XKR9: variants seen among roughly 807,000 people sequenced by gnomAD.
XKR9 encodes XK related 9.
In XKR9, 32 loss-of-function variants were observed where a neutral mutation model predicts 32.0. The observed-to-expected ratio is 1.00, with a 90% CI of 0.76 to 1.34. XKR9 has a LOEUF of 1.34. Ranked by LOEUF, XKR9 falls within the 40% of genes most tolerant of loss-of-function variation. XKR9 has a pLI of 0.00. For missense variants in XKR9, 546 were observed against 429.7 expected, an observed-to-expected ratio of 1.27 and a Z score of -2.39; for synonymous variants, 168 against 143.4, an observed-to-expected ratio of 1.17 and a Z score of -1.22.
Position 70,785,996 on chromosome 8 carries a change from A to G in XKR9, n.353-3343A>G, listed in dbSNP as rs530183332. ...GAGCCACCATACCTGGACTTCCAAG[A>G]TAGTTTTAAATTTCCCTTTTAATTT... On this transcript the variant is annotated intron_variant and non_coding_transcript_variant, in intron 2 of 3. Transcript: ENST00000520273. Among the ~76,000 whole-genome samples the G allele has an allele frequency of 1.7e-3, 258 of 151,932 alleles. 2 individuals carry two copies. The highest frequency in any genetic ancestry group is 3.0e-3 in the Non-Finnish European group (206 of 67,940).
the XKR9 span, among the ~76,000 whole-genome samples, chr8:70,976,110 T>C: frequency 2.0e-5 from 3 of 152,254 alleles, no homozygotes; most frequent in Non-Finnish European, 2.9e-5. Context: ...GAGACTTTGC[T>C]GAAGTTGCTT....
At chr8:70,806,563 AG>A in the XKR9 span, among the ~76,000 whole-genome samples, 1 of 152,220 alleles carries the variant, frequency 6.6e-6, no homozygotes, top group Non-Finnish European at 1.5e-5. Context: ...CAGTTTAGAG[AG>A]GAACATAAAT....
chr8:70,960,874 G>GAAA, the XKR9 span, among the ~76,000 whole-genome samples: 1 of 128,472 alleles, frequency 7.8e-6, no homozygotes, highest in African/African-American at 3.0e-5. Flanking sequence ...CCTGTCTTAA[G>GAAA]AAAAAAAAAA....
At chr8:70,885,819 A>G in the XKR9 span, among the ~76,000 whole-genome samples, 1 of 152,102 alleles carries the variant, frequency 6.6e-6, no homozygotes, top group African/African-American at 2.4e-5. Flanking sequence ...GATGGTCTCG[A>G]TCTCCTGACT....
chr8:70,978,935 T>C, the XKR9 span, among the ~76,000 whole-genome samples: 2 of 152,182 alleles, frequency 1.3e-5, no homozygotes, highest in African/African-American at 2.4e-5. Context: ...TCTTCGTTTC[T>C]TTTTACTCAT....
intron 3 of XKR9, among the ~76,000 whole-genome samples, chr8:70,689,319 A>T (rs12541816): frequency 0.031 from 4,781 of 151,936 alleles, 312 homozygotes; most frequent in Admixed American, 0.17. Context: ...CATTTACTAG[A>T]TTAACAAAAA....
At chr8:70,771,643 A>G (rs1273656790) in intron 2 of XKR9, among the ~76,000 whole-genome samples, 1 of 152,186 alleles carries the variant, frequency 6.6e-6, no homozygotes, top group Non-Finnish European at 1.5e-5. Context: ...CTTGCATATG[A>G]CATTAATTGA....
At chr8:70,847,988 A>G in the XKR9 span, among the ~76,000 whole-genome samples, 8 of 152,102 alleles carry the variant, frequency 5.3e-5, no homozygotes, top group Admixed American at 3.9e-4. Context: ...CTACTCTGAT[A>G]CCAAAACTGG....
At chr8:70,808,450 C>G in the XKR9 span, among the ~76,000 whole-genome samples, 2 of 152,056 alleles carry the variant, frequency 1.3e-5, no homozygotes, top group Admixed American at 1.3e-4. Flanking sequence ...ACAGTGGGTG[C>G]AGGACAGTGG....
At chr8:70,679,206 C>T (rs1818984814) in intron 2 of XKR9, among the ~76,000 whole-genome samples, 1 of 152,074 alleles carries the variant, frequency 6.6e-6, no homozygotes, top group Admixed American at 6.6e-5. Context: ...TAAGATCATA[C>T]CACAGTACTT....
the XKR9 span, among the ~76,000 whole-genome samples, chr8:71,034,266 T>C: frequency 6.6e-6 from 1 of 152,182 alleles, no homozygotes; most frequent in Non-Finnish European, 1.5e-5. Context: ...GAGTGAGTTC[T>C]CATGAGATCC....
chr8:70,688,715 C>CG (rs1819400805), intron 3 of XKR9, among the ~76,000 whole-genome samples: 3 of 144,830 alleles, frequency 2.1e-5, no homozygotes, highest in African/African-American at 7.7e-5. Flanking sequence ...TGTGCCTGTC[C>CG]TTTTTTTTTT....
chr8:70,746,362 T>C (rs1220386627), intron 2 of XKR9, among the ~76,000 whole-genome samples: 1 of 147,046 alleles, frequency 6.8e-6, no homozygotes, highest in Non-Finnish European at 1.5e-5. Flanking sequence ...ATAAAGAATA[T>C]AATTATATAT....
At chr8:70,804,046 C>T in the XKR9 span, among the ~76,000 whole-genome samples, 3 of 152,226 alleles carry the variant, frequency 2.0e-5, no homozygotes, top group Non-Finnish European at 4.4e-5. Flanking sequence ...GCTCTATGGG[C>T]TACAAGCTCT....
At chr8:70,683,377 T>C in intron 3 of XKR9, 2 of 324,938 alleles carry the variant, frequency 6.2e-6, no homozygotes, top group Middle Eastern at 1.1e-3. Flanking sequence ...TTATGTATTT[T>C]TCTACTTTAT....
intron 3 of XKR9, among the ~76,000 whole-genome samples, chr8:70,699,020 TG>T (rs1805404430): frequency 6.6e-6 from 1 of 152,194 alleles, no homozygotes; most frequent in Non-Finnish European, 1.5e-5. Context: ...CTGCCTTTTT[TG>T]TTTTCCATTT....
chr8:70,985,932 A>T, the XKR9 span, among the ~76,000 whole-genome samples: 1 of 152,182 alleles, frequency 6.6e-6, no homozygotes, highest in African/African-American at 2.4e-5. Flanking sequence ...TATTAATTTT[A>T]TAGTTGTATT....
chr8:70,821,272 G>C, the XKR9 span, among the ~76,000 whole-genome samples: 2 of 152,232 alleles, frequency 1.3e-5, no homozygotes, highest in Non-Finnish European at 2.9e-5. Flanking sequence ...AGGTCACACT[G>C]ATGCAAGAGG....
At chr8:70,904,094 T>C in the XKR9 span, among the ~76,000 whole-genome samples, 12,788 of 152,256 alleles carry the variant, frequency 0.084, 612 homozygotes, top group African/African-American at 0.098. Flanking sequence ...ATGTATACTC[T>C]GTTGATTTAG....
Sources: gnomAD v4.1 joint callset for allele counts (sites outside exome capture counted in the v4.1 genomes callset) on GRCh38, gnomAD v4.1.1 for gene constraint, MANE v1.5 for transcripts, NCBI Gene and HGNC (gene_info 2026-07-23, HGNC 2026-07-21) for gene names.